CPE: variants seen among roughly 807,000 people sequenced by gnomAD.
CPE encodes carboxypeptidase E.
A neutral mutation model predicts 53.5 loss-of-function variants in CPE; 17 were observed. The ratio of observed to expected loss-of-function variants is 0.32; its 90% CI spans 0.22 to 0.48. The LOEUF (loss-of-function observed/expected upper bound fraction) is 0.48, where lower values mean the gene tolerates loss of function less well. Among genes scored for constraint, CPE ranks in the 20% least tolerant of loss-of-function variants. CPE has a pLI of 0.99. For missense variants in CPE, 524 were observed against 614.7 expected (o/e 0.85, Z 1.56); for synonymous variants, 226 against 228.8 (o/e 0.99, Z 0.11).
intron 1 of CPE, chr4:165,404,972 A>T: frequency 1.3e-6 from 1 of 756,542 alleles, no homozygotes; most frequent in Admixed American, 1.7e-5. Context: ...CACTGCTTCT[A>T]CTTCCTTTAG....
chr4:165,473,307 C>A (rs1484336113), intron 3 of CPE, among the ~76,000 whole-genome samples: 1 of 137,092 alleles, frequency 7.3e-6, no homozygotes, highest in Non-Finnish European at 1.6e-5. Context: ...AACTTCTGTT[C>A]TTTATAATCT....
intron 2 of CPE, among the ~76,000 whole-genome samples, chr4:165,466,663 C>T (rs189234082): frequency 5.4e-4 from 82 of 152,062 alleles, no homozygotes; most frequent in Admixed American, 1.4e-3. Context: ...ATTACAGGCA[C>T]GTGCCATCAT....
intron 4 of CPE, 98 bp downstream of exon 4, chr4:165,482,457 A>G (rs898357507): frequency 2.3e-5 from 19 of 812,358 alleles, no homozygotes; most frequent in Non-Finnish European, 6.0e-6. Context: ...GGAACTGAAC[A>G]TTAAGTGATT....
chr4:165,466,738 G>A (rs1353582436), intron 2 of CPE, among the ~76,000 whole-genome samples: 1 of 152,046 alleles, frequency 6.6e-6, no homozygotes, highest in Non-Finnish European at 1.5e-5. Context: ...GGATGGTCTT[G>A]ATCTCCTGAC....
At chr4:165,392,850 T>A (rs1730706943) in intron 1 of CPE, among the ~76,000 whole-genome samples, 1 of 148,318 alleles carries the variant, frequency 6.7e-6, no homozygotes, top group Non-Finnish European at 1.5e-5. Flanking sequence ...ATCTGGCACA[T>A]ATATAGTCTG....
chr4:165,409,451 G>T (rs1408468079), intron 1 of CPE, among the ~76,000 whole-genome samples: 1 of 152,158 alleles, frequency 6.6e-6, no homozygotes, highest in East Asian at 1.9e-4. Context: ...TGATCCGCCC[G>T]CCTCAGACTC....
intron 1 of CPE, among the ~76,000 whole-genome samples, chr4:165,461,879 T>A (rs888998306): frequency 1.3e-5 from 2 of 152,356 alleles, no homozygotes; most frequent in Middle Eastern, 3.4e-3. Context: ...TATATAGTGA[T>A]CTAAGTTATT....
chr4:165,389,670 C>G (rs1043463049), intron 1 of CPE, among the ~76,000 whole-genome samples: 4 of 152,106 alleles, frequency 2.6e-5, no homozygotes, highest in African/African-American at 9.7e-5. Flanking sequence ...GTTGAGGTGA[C>G]TTAACGGCCA....
At chr4:165,432,651 C>T (rs554221812) in intron 1 of CPE, among the ~76,000 whole-genome samples, 47 of 152,228 alleles carry the variant, frequency 3.1e-4, no homozygotes, top group African/African-American at 1.1e-3. Context: ...CAGAGAGTAG[C>T]GTAAGAATGT....
At chr4:165,406,728 T>C (rs527676983) in intron 1 of CPE, among the ~76,000 whole-genome samples, 1 of 152,318 alleles carries the variant, frequency 6.6e-6, no homozygotes, top group Non-Finnish European at 1.5e-5. Flanking sequence ...AAGAACCCCA[T>C]ACCCATTAGC....
intron 1 of CPE, among the ~76,000 whole-genome samples, chr4:165,461,188 G>GAAA (rs1553976642): frequency 1.2e-5 from 1 of 81,210 alleles, no homozygotes; most frequent in Non-Finnish European, 2.3e-5. Context: ...AAAAAAAAAA[G>GAAA]AAAGAAAGAA....
chr4:165,467,672 A>AC lies in CPE; in HGVS notation c.505-15dup. 1 of 1,555,932 alleles carries AC rather than the reference A, an allele frequency of 6.4e-7. No homozygotes were observed. Among genetic ancestry groups the AC allele is most frequent in the Non-Finnish European group, 8.7e-7 (1 of 1,152,586 alleles). ...AAGCAACTAATGATTTTTCTCTTTG[A>AC]CTTTTTTTTTTTTAGCCTGGTGAAC... On this transcript the variant is annotated splice_polypyrimidine_tract_variant and intron_variant, in intron 2 of 8. Coordinates refer to ENST00000402744, the MANE Select transcript of CPE (RefSeq NM_001873.4).
chr4:165,472,131 A>C (rs1732217731), intron 3 of CPE, among the ~76,000 whole-genome samples: 1 of 152,278 alleles, frequency 6.6e-6, no homozygotes, highest in Non-Finnish European at 1.5e-5. Context: ...TGTTTTAAGC[A>C]AAAAGTCATA....
At chr4:165,425,553 A>G (rs1296052328) in intron 1 of CPE, among the ~76,000 whole-genome samples, 1 of 152,218 alleles carries the variant, frequency 6.6e-6, no homozygotes, top group Non-Finnish European at 1.5e-5. Context: ...GGATAAAAGG[A>G]GCAAGGAATA....
intron 1 of CPE, among the ~76,000 whole-genome samples, chr4:165,428,564 G>A (rs566136465): frequency 1.5e-4 from 23 of 152,282 alleles, no homozygotes; most frequent in Admixed American, 9.8e-4. Context: ...AAATTTGGTT[G>A]TTTAAAACAA....
intron 3 of CPE, among the ~76,000 whole-genome samples, chr4:165,480,069 A>G (rs1732376825): frequency 6.6e-6 from 1 of 152,088 alleles, no homozygotes; most frequent in East Asian, 1.9e-4. Flanking sequence ...AAGAATAAAT[A>G]GAAATAATCT....
At chr4:165,483,446 A>G (rs148991969) in intron 4 of CPE, among the ~76,000 whole-genome samples, 22 of 152,344 alleles carry the variant, frequency 1.4e-4, no homozygotes, top group South Asian at 6.2e-4. Context: ...TGCTGCCATA[A>G]ACATATGAGT....
intron 6 of CPE, 53 bp downstream of exon 6, chr4:165,487,630 T>G (rs3822062): frequency 0.46 from 729,958 of 1,599,040 alleles, 168,783 homozygotes; most frequent in African/African-American, 0.57. Flanking sequence ...TTCAAACCTG[T>G]CCTACAATGG....
At chr4:165,410,844 T>TTTG (rs1560873540) in intron 1 of CPE, among the ~76,000 whole-genome samples, 1 of 146,660 alleles carries the variant, frequency 6.8e-6, no homozygotes, top group Admixed American at 7.0e-5. Flanking sequence ...GTGTGTGTGT[T>TTTG]TGTGTGTGTG....
Sources: allele counts gnomAD v4.1 joint callset (sites outside exome capture counted in the v4.1 genomes callset), GRCh38; gene constraint gnomAD v4.1.1; transcripts MANE v1.5; gene names NCBI Gene and HGNC (gene_info 2026-07-23, HGNC 2026-07-21).